ATF7IP2: variants seen among roughly 807,000 people sequenced by gnomAD.
The protein encoded by ATF7IP2 is activating transcription factor 7-interacting protein 2.
ATF7IP2 carries 42 observed loss-of-function variants against 64.2 expected under a neutral mutation model. The ratio of observed to expected loss-of-function variants is 0.65; its 90% confidence interval spans 0.51 to 0.85. The LOEUF is 0.85. Among genes scored for constraint, ATF7IP2 ranks in the 40% least tolerant of loss-of-function variants. The pLI is 0.00. For missense variants in ATF7IP2, 933 were observed against 784.2 expected, an observed-to-expected ratio of 1.19 and a Z score of -2.27; for synonymous variants, 308 against 272.8, an observed-to-expected ratio of 1.13 and a Z score of -1.27.
intron 9 of ATF7IP2, among the ~76,000 whole-genome samples, chr16:10,461,178 T>C (rs558671289): frequency 7.2e-5 from 11 of 152,216 alleles, no homozygotes; most frequent in African/African-American, 2.4e-4. Flanking sequence ...AAAATACATT[T>C]AAAAATCTGA....
At chr16:10,464,149 T>TTTAGATA (rs2049472623) in intron 9 of ATF7IP2, among the ~76,000 whole-genome samples, 1 of 152,224 alleles carries the variant, frequency 6.6e-6, no homozygotes, top group South Asian at 2.1e-4. Flanking sequence ...CAAATAGATA[T>TTTAGATA]TTAGATATTT....
At chr16:10,427,612 T>C (rs2048109942) in intron 3 of ATF7IP2, among the ~76,000 whole-genome samples, 1 of 152,082 alleles carries the variant, frequency 6.6e-6, no homozygotes, top group African/African-American at 2.4e-5. Context: ...TCCCAGCACT[T>C]TGGGAGGCTA....
intron 8 of ATF7IP2, among the ~76,000 whole-genome samples, chr16:10,442,783 C>T (rs758959503): frequency 7.9e-5 from 12 of 152,078 alleles, no homozygotes; most frequent in Non-Finnish European, 1.2e-4. Context: ...GCCATTTGGC[C>T]CTAATTGCTC....
At chr16:10,406,067 C>T (rs775849566) in intron 1 of ATF7IP2, among the ~76,000 whole-genome samples, 4 of 150,978 alleles carry the variant, frequency 2.6e-5, no homozygotes, top group East Asian at 2.0e-4. Context: ...CCAGCCTGGG[C>T]GACAGAGTGA....
intron 6 of ATF7IP2, among the ~76,000 whole-genome samples, chr16:10,435,878 C>T (rs1049510469): frequency 2.6e-5 from 4 of 152,136 alleles, no homozygotes; most frequent in Admixed American, 1.3e-4. Context: ...GATTGTTCCT[C>T]ACCAAGGATG....
At chr16:10,440,610 G>GA (rs1228601584) in intron 8 of ATF7IP2, 148 bp downstream of exon 8, 3 of 544,320 alleles carry the variant, frequency 5.5e-6, no homozygotes, top group Admixed American at 4.2e-5. Flanking sequence ...TCTGTCTCTG[G>GA]AAAAGACACC....
chr16:10,411,630 A>C (rs2047762147), intron 1 of ATF7IP2, among the ~76,000 whole-genome samples: 1 of 152,070 alleles, frequency 6.6e-6, no homozygotes. Context: ...TGGTCTCTCA[A>C]AGTGCTGGGA....
At chr16:10,399,948 G>A (rs953311002) in intron 1 of ATF7IP2, among the ~76,000 whole-genome samples, 2 of 152,158 alleles carry the variant, frequency 1.3e-5, no homozygotes, top group African/African-American at 2.4e-5. Flanking sequence ...ACGTTTTGTA[G>A]CTATGGTAAA....
intron 9 of ATF7IP2, among the ~76,000 whole-genome samples, chr16:10,467,904 A>G (rs1210790229): frequency 2.2e-5 from 3 of 137,600 alleles, no homozygotes; most frequent in Non-Finnish European, 4.6e-5. Flanking sequence ...TTTGAGACAG[A>G]GTTTTGCTCT....
At chr16:10,436,391 C>CT (rs72530737) in intron 6 of ATF7IP2, among the ~76,000 whole-genome samples, 85,367 of 149,706 alleles carry the variant, frequency 0.57, 24,361 homozygotes, top group East Asian at 0.68. Flanking sequence ...GTTACTGAGC[C>CT]TTTTTTTTTT....
chr16:10,423,537 C>T (rs886354863), intron 3 of ATF7IP2, among the ~76,000 whole-genome samples: 7 of 152,162 alleles, frequency 4.6e-5, no homozygotes, highest in East Asian at 1.9e-4. Context: ...GAACTGAGAG[C>T]GGTCGCTCAA....
intron 8 of ATF7IP2, among the ~76,000 whole-genome samples, chr16:10,452,809 C>G (rs2141991155): frequency 6.6e-6 from 1 of 152,306 alleles, no homozygotes; most frequent in South Asian, 2.1e-4. Context: ...GAGAGGCAGT[C>G]TGGCCACAGT....
intron 9 of ATF7IP2, among the ~76,000 whole-genome samples, chr16:10,470,422 A>T (rs2049748523): frequency 6.6e-6 from 1 of 152,100 alleles, no homozygotes; most frequent in South Asian, 2.1e-4. Context: ...ATTCATTAAG[A>T]TGTTACTTCA....
chr16:10,444,405 C>T lies in ATF7IP2; in HGVS notation c.1194+3943C>T, dbSNP rs141713444. Among the ~76,000 whole-genome samples the T allele has an allele frequency of 7.2e-5, 11 of 152,036 alleles. No individual in the cohort carries two copies. The East Asian group carries it at 1.7e-3, about 24-fold the overall frequency. ...CTAGATAAGGTCTCCCAGGTTGGTT[C>T]GAGTTTTTCTTCTTTCCAGCTTTTG... On this transcript the variant is annotated intron_variant, in intron 8 of 13. Coordinates refer to ENST00000562102, the MANE Select transcript of ATF7IP2 (RefSeq NM_001393719.1).
At chr16:10,396,816 A>AT (rs1362047609) in intron 1 of ATF7IP2, among the ~76,000 whole-genome samples, 1 of 68,664 alleles carries the variant, frequency 1.5e-5, no homozygotes, top group Non-Finnish European at 2.7e-5. Context: ...TGCCTGACTA[A>AT]TTAAAAAAAA....
intron 9 of ATF7IP2, among the ~76,000 whole-genome samples, chr16:10,461,991 A>T (rs185079705): frequency 2.3e-3 from 355 of 152,106 alleles, no homozygotes; most frequent in African/African-American, 8.2e-3. Context: ...CCTCATATGT[A>T]TCTGTCTCTC....
intron 6 of ATF7IP2, among the ~76,000 whole-genome samples, chr16:10,436,911 AAAGAT>A (rs2048437451): frequency 6.6e-6 from 1 of 152,280 alleles, no homozygotes; most frequent in African/African-American, 2.4e-5. Flanking sequence ...TTCAAAAAAA[AAAGAT>A]AAGTTCATTA....
intron 9 of ATF7IP2, among the ~76,000 whole-genome samples, chr16:10,462,910 A>G (rs2049422617): frequency 6.6e-6 from 1 of 152,196 alleles, no homozygotes; most frequent in African/African-American, 2.4e-5. Context: ...GTTGTGTTCC[A>G]GCTTATTAAT....
intron 1 of ATF7IP2, among the ~76,000 whole-genome samples, chr16:10,407,531 G>A (rs1184040258): frequency 6.6e-6 from 1 of 152,150 alleles, no homozygotes; most frequent in Non-Finnish European, 1.5e-5. Context: ...TATAGTTGCA[G>A]TATACAAAAT....
Sources: allele counts gnomAD v4.1 joint callset (sites outside exome capture counted in the v4.1 genomes callset), GRCh38; gene constraint gnomAD v4.1.1; transcripts MANE v1.5; gene names NCBI Gene and HGNC (gene_info 2026-07-23, HGNC 2026-07-21).